The following MEP1B variants were observed in gnomAD, a reference collection of about 807,000 sequenced individuals.
MEP1B encodes the protein N-benzoyl-L-tyrosyl-P-amino-benzoic acid hydrolase subunit beta.
MEP1B carries 80 observed loss-of-function variants against 84.6 expected under a neutral mutation model. That is an observed-to-expected ratio of 0.95 (90% confidence interval 0.79 to 1.14). The LOEUF is 1.14. MEP1B is among the 50% of genes most tolerant of loss of function. MEP1B has a pLI of 0.00. For synonymous variants in MEP1B, 273 were observed against 288.1 expected (o/e 0.95, Z 0.53); for missense variants, 766 against 855.1 (o/e 0.90, Z 1.30).
chr18:32,208,218 C>T lies in MEP1B; in HGVS notation c.866C>T (p.Ser289Leu). The change falls in exon 9 of 15, where the codon TCA becomes TTA. Residue 289 changes from serine (S) to leucine (L), a missense_variant. By Grantham distance (145) the Ser-to-Leu change is moderately radical (BLOSUM62 -2). Transcript: ENST00000269202. ...SGDNADWQRV[S>L]QVPRGPESDH... ...GATAATGCTGACTGGCAACGGGTTT[C>T]ACAGGTTCCCAGGGGGCCAGAGAGT... 1 of 1,613,950 alleles carries T rather than the reference C, an allele frequency of 6.2e-7. No individual in the cohort carries two copies. The highest frequency in any genetic ancestry group is 8.5e-7 in the Non-Finnish European group (1 of 1,179,876).
At chr18:32,207,603 G>C in intron 8 of MEP1B, 133 bp downstream of exon 8, 1 of 651,776 alleles carries the variant, frequency 1.5e-6, no homozygotes. Flanking sequence ...GAAATAAACA[G>C]AATAGCACTC....
chr18:32,214,401 G>A (rs2041061952), intron 11 of MEP1B, among the ~76,000 whole-genome samples: 2 of 152,092 alleles, frequency 1.3e-5, no homozygotes, highest in Non-Finnish European at 2.9e-5. Flanking sequence ...GAAAAACATG[G>A]ACCAAATCGA....
intron 9 of MEP1B, among the ~76,000 whole-genome samples, chr18:32,208,961 T>G (rs1423621738): frequency 6.6e-6 from 1 of 152,140 alleles, no homozygotes; most frequent in Non-Finnish European, 1.5e-5. Context: ...GGATAGTGGA[T>G]AGTGGTCCTA....
chr18:32,203,956 A>G (rs1264913847), intron 6 of MEP1B, among the ~76,000 whole-genome samples: 1 of 152,180 alleles, frequency 6.6e-6, no homozygotes, highest in African/African-American at 2.4e-5. Flanking sequence ...ACCTCCCATG[A>G]GGTCCCACCT....
chr18:32,205,374 G>C (rs1040486569), intron 7 of MEP1B, among the ~76,000 whole-genome samples: 4 of 152,176 alleles, frequency 2.6e-5, no homozygotes, highest in Non-Finnish European at 5.9e-5. Flanking sequence ...GCCTGTGTGG[G>C]GCGAGACAGA....
At chr18:32,213,080 T>C (rs766453829) in intron 10 of MEP1B, 36 bp from the exon 11 acceptor site, 1 of 1,581,136 alleles carries the variant, frequency 6.3e-7, no homozygotes, top group Non-Finnish European at 8.7e-7. Context: ...TGATTTGAAC[T>C]TCTTTGTCTT....
intron 10 of MEP1B, among the ~76,000 whole-genome samples, chr18:32,211,192 C>T (rs777196147): frequency 1.3e-5 from 2 of 152,040 alleles, no homozygotes; most frequent in African/African-American, 2.4e-5. Flanking sequence ...TGCTTGAACC[C>T]GGGAGGCGGG....
intron 7 of MEP1B, among the ~76,000 whole-genome samples, chr18:32,205,353 T>C (rs974882619): frequency 2.0e-5 from 3 of 152,202 alleles, no homozygotes; most frequent in African/African-American, 7.2e-5. Context: ...CTCAGCTTCC[T>C]CATCTGTCCT....
chr18:32,192,535 G>A, intron 2 of MEP1B, 111 bp from the exon 3 acceptor site: 1 of 906,312 alleles, frequency 1.1e-6, no homozygotes, highest in Non-Finnish European at 1.8e-6. Context: ...GAATCTAGTA[G>A]TCACCTGAGG....
chr18:32,210,684 A>G lies in MEP1B; in HGVS notation c.1103A>G (p.Asp368Gly), dbSNP rs1455698272. 2 of 1,613,856 alleles carry G rather than the reference A, an allele frequency of 1.2e-6. No homozygotes were observed. The highest frequency in any genetic ancestry group is 2.2e-5 in the South Asian group (2 of 91,068). Residue 368 changes from aspartate to glycine, a missense_variant, in exon 10 of 15, where the codon GAT (aspartate) becomes GGT (glycine). Physicochemically the swap from Asp to Gly is moderately conservative, Grantham distance 94. Coordinates refer to ENST00000269202, the MANE Select transcript of MEP1B (RefSeq NM_005925.3). The stretch of plus-strand genomic sequence containing the variant: ...AGGGAGTATTCTGCAGACAATGTGG[A>G]TGGCAATTTAACCCTTGTGGAAGAA... Reference protein sequence around the residue: ...YIREYSADNVDGNLTLVEEIK... With the variant: ...YIREYSADNVGGNLTLVEEIK...
rs1334802415 is a variant in MEP1B, at chr18:32,191,830, A to G, written c.72A>G (p.Pro24=). 2.6e-6 allele frequency: 4 copies of G among 1,541,150 alleles called. No homozygotes were observed. In the Admixed American group the frequency reaches 5.8e-5, roughly 22 times the overall value. Reference sequence around the variant, plus strand: ...ATGTGTTTATTTCCCAGGCAACTCCAGAAAACTTTGGTGAGTCTATTTTGA... The same window carrying G: ...ATGTGTTTATTTCCCAGGCAACTCCGGAAAACTTTGGTGAGTCTATTTTGA... The part of the protein sequence containing the change: ...ALLVISGLAT[P]ENFDVDGGMD... The change falls in exon 2 of 15, where the codon CCA becomes CCG. Residue 24 remains proline (P), a synonymous_variant. Coordinates refer to ENST00000269202, the MANE Select transcript of MEP1B (RefSeq NM_005925.3).
intron 5 of MEP1B, among the ~76,000 whole-genome samples, chr18:32,200,951 C>T (rs2040905545): frequency 6.6e-6 from 1 of 152,138 alleles, no homozygotes; most frequent in Non-Finnish European, 1.5e-5. Context: ...GCCTCATTTT[C>T]CAAAGCCTGG....
chr18:32,203,613 A>G (rs1315294265), intron 6 of MEP1B, among the ~76,000 whole-genome samples: 1 of 152,140 alleles, frequency 6.6e-6, no homozygotes, highest in East Asian at 1.9e-4. Flanking sequence ...ATATTATACA[A>G]TACCTGGTAT....
At chr18:32,191,903 A>T in intron 2 of MEP1B, 63 bp downstream of exon 2, 1 of 967,084 alleles carries the variant, frequency 1.0e-6, no homozygotes, top group Non-Finnish European at 1.6e-6. Flanking sequence ...AATGCTAAAC[A>T]TCATACATAA....
At chr18:32,206,358 C>T (rs2040964391) in intron 7 of MEP1B, among the ~76,000 whole-genome samples, 1 of 152,116 alleles carries the variant, frequency 6.6e-6, no homozygotes, top group Admixed American at 6.5e-5. Flanking sequence ...CTTCTTACTT[C>T]CATCTCCATC....
intron 5 of MEP1B, among the ~76,000 whole-genome samples, chr18:32,200,420 ATTAT>A (rs554660463): frequency 9.2e-5 from 14 of 152,096 alleles, no homozygotes; most frequent in South Asian, 4.1e-4. Flanking sequence ...TGTGATTTTG[ATTAT>A]TTCTTATTTA....
intron 10 of MEP1B, 38 bp downstream of exon 10, chr18:32,210,754 G>C: frequency 6.4e-7 from 1 of 1,560,018 alleles, no homozygotes; most frequent in South Asian, 1.1e-5. Flanking sequence ...GATTTAAAAT[G>C]AGGCAATCTT....
At chr18:32,203,402 T>C (rs889511440) in intron 6 of MEP1B, among the ~76,000 whole-genome samples, 1 of 152,246 alleles carries the variant, frequency 6.6e-6, no homozygotes, top group Non-Finnish European at 1.5e-5. Context: ...ACAGTATTAT[T>C]TGTCTTGAGC....
rs10522884 is a variant in MEP1B, at chr18:32,215,969, CATATATATATATATATATAT to C, written c.1759+739_1759+758del. On this transcript the variant is annotated intron_variant, in intron 12 of 14. Coordinates refer to ENST00000269202, the MANE Select transcript of MEP1B (RefSeq NM_005925.3). Reference sequence around the variant, plus strand: ...ATGTACATACATGCATACATATATGCATATATATATATATATATATATATATATATATATATATATATATA... The same window carrying C: ...ATGTACATACATGCATACATATATGCATATATATATATATATATATATATA... 9.0e-3 allele frequency among the ~76,000 whole-genome samples: 1,210 copies of C among 134,944 alleles called. 20 individuals are homozygous for C. The highest frequency in any genetic ancestry group is 0.028 in the African/African-American group (1,042 of 37,418). 88.5% of individuals were successfully genotyped at this position (134,944 alleles called of 152,430 possible).
Sources: gnomAD v4.1 joint callset for allele counts (sites outside exome capture counted in the v4.1 genomes callset) on GRCh38, gnomAD v4.1.1 for gene constraint, MANE v1.5 for transcripts, NCBI Gene and HGNC (gene_info 2026-07-23, HGNC 2026-07-21) for gene names.